PCDHA13: variants seen among roughly 807,000 people sequenced by gnomAD.
The protein encoded by PCDHA13 is protocadherin alpha 13, also known as protocadherin alpha-13.
PCDHA13 carries 54 observed loss-of-function variants against 64.8 expected under a neutral mutation model. The ratio of observed to expected loss-of-function variants is 0.83; its 90% CI spans 0.67 to 1.04. The LOEUF is 1.04. Ranked by LOEUF, PCDHA13 falls within the 50% of genes least tolerant of loss-of-function variation. The pLI, the probability that PCDHA13 is intolerant of heterozygous loss-of-function variation, is 0.00. For missense variants in PCDHA13, 1,248 were observed against 1,254.3 expected (o/e 0.99, Z 0.08); for synonymous variants, 587 against 564.4 (o/e 1.04, Z -0.57).
chr5:140,968,095 TGGG>T (rs1554230332), intron 1 of PCDHA13: 1 of 1,613,884 alleles, frequency 6.2e-7, no homozygotes, highest in African/African-American at 1.3e-5. Flanking sequence ...CAGCCACAGA[TGGG>T]GGAATACCGC....
intron 1 of PCDHA13, among the ~76,000 whole-genome samples, chr5:140,893,446 A>C (rs1305001651): frequency 6.6e-6 from 1 of 152,132 alleles, no homozygotes; most frequent in Non-Finnish European, 1.5e-5. Flanking sequence ...TGAAGCCAGG[A>C]GTTCAAGACC....
chr5:140,890,488 T>C (rs1022131727), intron 1 of PCDHA13, among the ~76,000 whole-genome samples: 20 of 152,340 alleles, frequency 1.3e-4, no homozygotes, highest in African/African-American at 4.8e-4. Flanking sequence ...GTTATTTTTG[T>C]CTCACCATTT....
chr5:140,899,140 G>A (rs2067159296), intron 1 of PCDHA13, among the ~76,000 whole-genome samples: 1 of 152,090 alleles, frequency 6.6e-6, no homozygotes, highest in Non-Finnish European at 1.5e-5. Flanking sequence ...CTGCAAACAG[G>A]GACAATTTGA....
At position 140,882,141 on chromosome 5, in the gene PCDHA13, A is replaced by G; in HGVS notation, c.-128A>G. On this transcript the variant is annotated 5_prime_UTR_variant, in exon 1 of 4. It adds an upstream start codon to the 5' untranslated region. Transcript: ENST00000289272. Reference sequence around the variant, plus strand: ...GTTTCTTTCTTCCTGCAGAAAATATAGCAGAAAGCGGAATACCTCTTGCGA... The same window carrying G: ...GTTTCTTTCTTCCTGCAGAAAATATGGCAGAAAGCGGAATACCTCTTGCGA... 3 of 1,491,636 alleles carry G rather than the reference A, an allele frequency of 2.0e-6. No individual in the cohort carries two copies. The highest frequency in any genetic ancestry group is 1.4e-5 in the South Asian group (1 of 71,604). The allele number at this position is 1,491,636 out of a possible 1,614,324, so 92.4% of individuals were successfully genotyped here.
chr5:141,005,936 G>A (rs1233031842), intron 3 of PCDHA13, among the ~76,000 whole-genome samples: 1 of 151,890 alleles, frequency 6.6e-6, no homozygotes, highest in African/African-American at 2.4e-5. Context: ...GACAGAGTGA[G>A]AACCTATCTC....
intron 1 of PCDHA13, among the ~76,000 whole-genome samples, chr5:140,938,121 A>T (rs981387543): frequency 2.0e-5 from 3 of 151,892 alleles, no homozygotes; most frequent in Admixed American, 6.6e-5. Context: ...CTCTTTTTTT[A>T]AAAAAATAGA....
Position 140,883,777 on chromosome 5 carries a change from G to T in PCDHA13, c.1509G>T (p.Ala503=). The T allele has an allele frequency of 1.9e-6, 3 of 1,612,364 alleles. No individual in the cohort carries two copies. Among genetic ancestry groups the T allele is most frequent in the Non-Finnish European group, 1.7e-6 (2 of 1,179,718 alleles). ...SLVERRVGER[A]LSSYVSVHAE... ...TGGAGCGGCGGGTGGGCGAGCGTGC[G>T]CTGTCGAGCTACGTGTCGGTGCACG... Residue 503 remains alanine, a synonymous_variant, in exon 1 of 4, where the codon GCG becomes GCT. Transcript: ENST00000289272.
At chr5:140,917,875 T>TC (rs1459321723) in intron 1 of PCDHA13, among the ~76,000 whole-genome samples, 11 of 152,026 alleles carry the variant, frequency 7.2e-5, no homozygotes, top group Non-Finnish European at 7.4e-5. Context: ...CTATTTGGGC[T>TC]CTTTTTTTTT....
chr5:140,941,241 T>TTCTTTCTTTCTTTCTTTCTTTCTC (rs1585048929), intron 1 of PCDHA13, among the ~76,000 whole-genome samples: 1 of 140,458 alleles, frequency 7.1e-6, no homozygotes, highest in East Asian at 2.0e-4. Flanking sequence ...CTTTCTTTCT[T>TTCTTTCTTTCTTTCTTTCTTTCTC]TCTTTCTTTC....
intron 1 of PCDHA13, among the ~76,000 whole-genome samples, chr5:140,961,327 AGAGACCAAGAGTG>A (rs1375426442): frequency 6.6e-6 from 1 of 152,206 alleles, no homozygotes. Context: ...CTGTTTCTTG[AGAGACCAAGAGTG>A]GATCCCTGTA....
rs564411271 is a variant in PCDHA13, at chr5:140,916,111, G to A, written c.2394+31449G>A. 1.9e-3 allele frequency among the ~76,000 whole-genome samples: 289 copies of A among 152,268 alleles called. 1 individual carries two copies. The highest frequency in any genetic ancestry group is 6.6e-3 in the African/African-American group (274 of 41,540). ...ACAGGGAATCTGCCTGGCCACTGCT[G>A]ATGTTCACTTAAAGCTTAAGGGCTG... On this transcript the variant is annotated intron_variant, in intron 1 of 3. Coordinates refer to ENST00000289272, the MANE Select transcript of PCDHA13 (RefSeq NM_018904.3).
intron 1 of PCDHA13, among the ~76,000 whole-genome samples, chr5:140,918,975 T>C (rs141194276): frequency 6.6e-6 from 1 of 152,310 alleles, no homozygotes; most frequent in East Asian, 1.9e-4. Flanking sequence ...ATCGTTTAGG[T>C]TAGTTGGTTT....
At chr5:140,966,925 A>T in intron 1 of PCDHA13, 8 of 1,603,462 alleles carry the variant, frequency 5.0e-6, no homozygotes, top group African/African-American at 1.3e-5. Context: ...AGGAGCAGGC[A>T]CCCGGCGCGC....
intron 1 of PCDHA13, among the ~76,000 whole-genome samples, chr5:140,925,376 A>G (rs1010003214): frequency 2.0e-5 from 3 of 152,150 alleles, no homozygotes; most frequent in Non-Finnish European, 2.9e-5. Context: ...TCAATAGTCA[A>G]TGAGTCTCCT....
intron 1 of PCDHA13, among the ~76,000 whole-genome samples, chr5:140,915,100 CACA>C (rs2076984171): frequency 6.6e-6 from 1 of 151,988 alleles, no homozygotes; most frequent in African/African-American, 2.4e-5. Context: ...CACGCACCAC[CACA>C]ACACCCACCT....
Position 140,966,695 on chromosome 5 carries a change from C to T in PCDHA13, c.2395-12254C>T, listed in dbSNP as rs2096038904. ...GGGTGGCACGAGCGGAGGCGGGGCC[C>T]GGGCGTGGGGCACGGCTGGGGAAGC... is the stretch of plus-strand genomic sequence containing the variant. On this transcript the variant is annotated intron_variant, in intron 1 of 3. Coordinates refer to ENST00000289272, the MANE Select transcript of PCDHA13 (RefSeq NM_018904.3). 4 of 1,358,486 alleles carry T rather than the reference C, an allele frequency of 2.9e-6. No individual in the cohort carries two copies. In the South Asian group the frequency reaches 5.2e-5, roughly 18 times the overall value. The allele number at this position is 1,358,486 out of a possible 1,614,324, so 84.2% of individuals were successfully genotyped here. A position where few individuals can be genotyped will look rare whatever the true frequency, so the allele number is the denominator to read the frequency against.
At chr5:140,910,925 TA>T (rs2075234137) in intron 1 of PCDHA13, among the ~76,000 whole-genome samples, 2 of 152,226 alleles carry the variant, frequency 1.3e-5, no homozygotes, top group South Asian at 4.2e-4. Flanking sequence ...CTTATATAAA[TA>T]AGAAAGCTCA....
intron 1 of PCDHA13, among the ~76,000 whole-genome samples, chr5:140,933,677 T>G (rs1024721491): frequency 6.6e-6 from 1 of 151,826 alleles, no homozygotes; most frequent in African/African-American, 2.4e-5. Flanking sequence ...CTCTCTCACA[T>G]TTTTTTTCCT....
Position 140,978,942 on chromosome 5 carries a change from T to C in PCDHA13, c.2395-7T>C, listed in dbSNP as rs781997267. 5 of 1,614,058 alleles carry C rather than the reference T, an allele frequency of 3.1e-6. No individual in the cohort carries two copies. The African/African-American group carries it at 6.7e-5, about 22-fold the overall frequency. ...TTTAACAGAAAACTCTCTTTGTGAT[T>C]TTGCAGCCACGACAGCCCAACCCTG... is the stretch of plus-strand genomic sequence containing the variant. On this transcript the variant is annotated splice_region_variant and splice_polypyrimidine_tract_variant and intron_variant, in intron 1 of 3. Coordinates refer to ENST00000289272, the MANE Select transcript of PCDHA13 (RefSeq NM_018904.3).
Sources: allele counts gnomAD v4.1 joint callset (sites outside exome capture counted in the v4.1 genomes callset), GRCh38; gene constraint gnomAD v4.1.1; transcripts MANE v1.5; gene names NCBI Gene and HGNC (gene_info 2026-07-23, HGNC 2026-07-21).